The following E2F7 variants were observed in gnomAD, a reference collection of about 807,000 sequenced individuals.
The protein encoded by E2F7 is E2F transcription factor 7, also known as transcription factor E2F7.
E2F7 carries 35 observed loss-of-function variants against 81.1 expected under a neutral mutation model. The observed-to-expected ratio is 0.43, with a 90% confidence interval of 0.33 to 0.57. The LOEUF is 0.57. Among genes scored for constraint, E2F7 ranks in the 20% least tolerant of loss-of-function variants. The pLI is 0.04. For missense variants in E2F7, 961 were observed against 1,093.7 expected, an observed-to-expected ratio of 0.88 and a Z score of 1.71; for synonymous variants, 416 against 416.2, an observed-to-expected ratio of 1.00 and a Z score of 0.01.
At chr12:77,031,281 A>G (rs1215298800) in intron 9 of E2F7, among the ~76,000 whole-genome samples, 1 of 152,186 alleles carries the variant, frequency 6.6e-6, no homozygotes, top group East Asian at 1.9e-4. Flanking sequence ...AAATTTCCAA[A>G]TATTTAAAAC....
intron 6 of E2F7, among the ~76,000 whole-genome samples, chr12:77,043,924 C>T (rs1954916707): frequency 6.6e-6 from 1 of 152,292 alleles, no homozygotes; most frequent in Non-Finnish European, 1.5e-5. Context: ...CACTTGACCT[C>T]AGTGTTAAGA....
At chr12:77,055,767 C>A (rs1269132929) in intron 3 of E2F7, 88 bp downstream of exon 3, 3 of 1,464,484 alleles carry the variant, frequency 2.0e-6, no homozygotes, top group South Asian at 1.5e-5. Flanking sequence ...TCAATAGGAG[C>A]TGAAAAGTTG....
intron 4 of E2F7, among the ~76,000 whole-genome samples, chr12:77,048,041 G>A (rs371008036): frequency 7.2e-5 from 11 of 152,230 alleles, no homozygotes; most frequent in East Asian, 3.9e-4. Flanking sequence ...TCCCAAGAAG[G>A]GAAAACAAAA....
chr12:77,050,237 C>T (rs1954975504), intron 4 of E2F7, among the ~76,000 whole-genome samples: 1 of 152,114 alleles, frequency 6.6e-6, no homozygotes, highest in African/African-American at 2.4e-5. Context: ...AAAAAGCAGG[C>T]TATTTCTAAA....
In E2F7 at chr12:77,031,500, G is replaced by A. The variant is rs534139305; in HGVS notation, c.1383-1168C>T. 9.2e-5 allele frequency among the ~76,000 whole-genome samples: 14 copies of A among 152,062 alleles called. No homozygotes were observed. In the South Asian group the frequency reaches 2.9e-3, roughly 32 times the overall value. On this transcript the variant is annotated intron_variant, in intron 9 of 12. Transcript: ENST00000322886. ...TACTAAAAATACAAAAATTAGCTGG[G>A]CATGGTGGCACACGCCTGTAATCGC...
chr12:77,042,587 C>T (rs1049767531), intron 7 of E2F7, among the ~76,000 whole-genome samples: 3 of 152,112 alleles, frequency 2.0e-5, no homozygotes, highest in African/African-American at 7.2e-5. Flanking sequence ...TCCATTACAT[C>T]CATACTATAT....
chr12:77,025,072 C>T (rs1312336541), intron 12 of E2F7, among the ~76,000 whole-genome samples: 1 of 152,192 alleles, frequency 6.6e-6, no homozygotes, highest in East Asian at 1.9e-4. Flanking sequence ...GATGTATATA[C>T]ATACAGACAT....
chr12:77,034,932 A>G (rs1954836364), intron 7 of E2F7, among the ~76,000 whole-genome samples: 1 of 152,266 alleles, frequency 6.6e-6, no homozygotes, highest in Non-Finnish European at 1.5e-5. Context: ...GCCCAATTAG[A>G]AAAATCAGAA....
intron 2 of E2F7, among the ~76,000 whole-genome samples, chr12:77,058,988 T>A (rs1197134221): frequency 6.6e-6 from 1 of 152,204 alleles, no homozygotes; most frequent in Non-Finnish European, 1.5e-5. Context: ...TGTGCTTTGA[T>A]GAGTTATTCC....
rs1437053785 is a variant in E2F7 at position 77,043,046 on chromosome 12, C to T, written c.1123+19G>A. On this transcript the variant is annotated intron_variant, in intron 7 of 12. Transcript: ENST00000322886. ...AATTCTAAATAAAACAGCCTGCTAG[C>T]AAAACCACGCCACCTTACCACTTGA... The T allele has an allele frequency of 6.2e-7, 1 of 1,613,894 alleles. No individual in the cohort carries two copies. Among genetic ancestry groups the T allele is most frequent in the Admixed American group, 1.7e-5 (1 of 60,004 alleles).
intron 2 of E2F7, among the ~76,000 whole-genome samples, chr12:77,063,122 C>A (rs1239274328): frequency 6.6e-6 from 1 of 152,114 alleles, no homozygotes; most frequent in Non-Finnish European, 1.5e-5. Context: ...ACTACCTGCT[C>A]GAGCAGCCAC....
At chr12:77,024,256 C>T in intron 12 of E2F7, 71 bp from the exon 13 acceptor site, 2 of 1,495,510 alleles carry the variant, frequency 1.3e-6, no homozygotes, top group South Asian at 2.6e-5. Context: ...AAAGGCAGCC[C>T]TTTCTTGACC....
chr12:77,030,649 G>A (rs1202886770), intron 9 of E2F7, among the ~76,000 whole-genome samples: 1 of 152,090 alleles, frequency 6.6e-6, no homozygotes, highest in Non-Finnish European at 1.5e-5. Context: ...CCCTTGCCAG[G>A]CATGTACATA....
At chr12:77,050,512 C>T in intron 4 of E2F7, 64 bp downstream of exon 4, 1 of 1,575,576 alleles carries the variant, frequency 6.3e-7, no homozygotes. Flanking sequence ...CTTCAGCCTG[C>T]CCAAGGAAAC....
intron 10 of E2F7, among the ~76,000 whole-genome samples, chr12:77,028,805 A>G (rs1297074504): frequency 6.6e-6 from 1 of 152,230 alleles, no homozygotes; most frequent in Non-Finnish European, 1.5e-5. Context: ...AGCTTTCTTA[A>G]TATTGCTAAC....
chr12:77,029,394 T>C (rs965464494), intron 10 of E2F7, among the ~76,000 whole-genome samples: 6 of 152,164 alleles, frequency 3.9e-5, no homozygotes, highest in African/African-American at 1.4e-4. Flanking sequence ...CACTGAACAC[T>C]GAAGAGAAGT....
chr12:77,036,625 T>C (rs1954851631), intron 7 of E2F7, among the ~76,000 whole-genome samples: 1 of 152,288 alleles, frequency 6.6e-6, no homozygotes, highest in Admixed American at 6.5e-5. Context: ...GGGGTCTTAC[T>C]GTATTGTCTA....
At chr12:77,028,484 T>TTC (rs1954777603) in intron 10 of E2F7, among the ~76,000 whole-genome samples, 1 of 151,280 alleles carries the variant, frequency 6.6e-6, no homozygotes, top group African/African-American at 2.4e-5. Context: ...TTTTTTTTTT[T>TTC]TGAGACAGAG....
At position 77,039,679 on chromosome 12, in the gene E2F7, T is replaced by C. The variant is rs147867747; in HGVS notation, c.1123+3386A>G. 4.6e-5 allele frequency among the ~76,000 whole-genome samples: 7 copies of C among 152,322 alleles called. No homozygotes were observed. In the East Asian group the frequency reaches 1.3e-3, roughly 29 times the overall value. On this transcript the variant is annotated intron_variant, in intron 7 of 12. Transcript: ENST00000322886. ...ATATCAAGTTTTGGCAAGATATGGT[T>C]GAACTAGAACTCTCATATACTGTTG... is the stretch of plus-strand genomic sequence containing the variant.
Sources: allele counts gnomAD v4.1 joint callset (sites outside exome capture counted in the v4.1 genomes callset), GRCh38; gene constraint gnomAD v4.1.1; transcripts MANE v1.5; gene names NCBI Gene and HGNC (gene_info 2026-07-23, HGNC 2026-07-21).